Variants in BICRAL observed in about 807,000 individuals in gnomAD.
The protein encoded by BICRAL is BRD4-interacting chromatin-remodeling complex-associated protein-like.
A neutral mutation model predicts 91.8 loss-of-function variants in BICRAL; 8 were observed. The observed-to-expected ratio is 0.09, with a 90% CI of 0.05 to 0.16. The LOEUF is 0.16. Among genes scored for constraint, BICRAL ranks in the 10% least tolerant of loss-of-function variants. The pLI is 1.00. For synonymous variants in BICRAL, 445 were observed against 491.1 expected, an observed-to-expected ratio of 0.91 and a Z score of 1.24; for missense variants, 1,038 against 1,310.9, an observed-to-expected ratio of 0.79 and a Z score of 3.21.
intron 6 of BICRAL, among the ~76,000 whole-genome samples, chr6:42,840,227 GT>G (rs1764744366): frequency 1.7e-5 from 1 of 60,542 alleles, no homozygotes; most frequent in Non-Finnish European, 3.5e-5. Flanking sequence ...TTTTTTGTTT[GT>G]TTGTTTGTTT....
intron 11 of BICRAL, among the ~76,000 whole-genome samples, chr6:42,861,771 G>A (rs1765563395): frequency 1.3e-5 from 2 of 151,758 alleles, no homozygotes; most frequent in Non-Finnish European, 2.9e-5. Flanking sequence ...GGCCGAGGTG[G>A]GTGGATCACC....
intron 1 of BICRAL, among the ~76,000 whole-genome samples, chr6:42,802,236 A>G (rs1763594803): frequency 1.3e-5 from 2 of 152,212 alleles, no homozygotes; most frequent in Admixed American, 6.6e-5. Flanking sequence ...CAACAGAGCA[A>G]GACCTTATCT....
chr6:42,780,302 C>G (rs1173087106), upstream of BICRAL, among the ~76,000 whole-genome samples: 2 of 152,068 alleles, frequency 1.3e-5, no homozygotes, highest in Non-Finnish European at 2.9e-5. Context: ...CTTATATATG[C>G]AAGAAAGGTG....
chr6:42,778,984 A>AT (rs1282901260), upstream of BICRAL, among the ~76,000 whole-genome samples: 595 of 145,904 alleles, frequency 4.1e-3, no homozygotes, highest in African/African-American at 0.012. Context: ...CGCCTGGCTA[A>AT]TTTTTTTTTT....
chr6:42,811,765 C>T (rs957102447), intron 2 of BICRAL, among the ~76,000 whole-genome samples: 3 of 152,060 alleles, frequency 2.0e-5, no homozygotes, highest in East Asian at 3.8e-4. Context: ...AGAAAACTTC[C>T]TAAGTTCTGG....
chr6:42,779,454 G>A (rs1376659994), upstream of BICRAL, among the ~76,000 whole-genome samples: 1 of 152,072 alleles, frequency 6.6e-6, no homozygotes, highest in South Asian at 2.1e-4. Flanking sequence ...TAGAAAACTG[G>A]TTGGTCCAAC....
At chr6:42,802,076 A>G (rs1456326600) in intron 1 of BICRAL, among the ~76,000 whole-genome samples, 1 of 152,024 alleles carries the variant, frequency 6.6e-6, no homozygotes, top group Non-Finnish European at 1.5e-5. Flanking sequence ...GGAGTTTGAG[A>G]CCAGCCTGGG....
At chr6:42,750,835 C>A (rs1456860075) in intron 1 of BICRAL, among the ~76,000 whole-genome samples, 1 of 150,248 alleles carries the variant, frequency 6.7e-6, no homozygotes, top group Non-Finnish European at 1.5e-5. Context: ...GCCTCAGCCT[C>A]CCAAAGTGCT....
intron 5 of BICRAL, among the ~76,000 whole-genome samples, chr6:42,826,054 A>C (rs992165323): frequency 7.2e-5 from 11 of 152,002 alleles, no homozygotes; most frequent in African/African-American, 2.7e-4. Context: ...ACTGCACTCC[A>C]GCATGGGTGA....
chr6:42,804,394 A>G (rs1582831415), intron 1 of BICRAL, among the ~76,000 whole-genome samples: 1 of 152,158 alleles, frequency 6.6e-6, no homozygotes, highest in East Asian at 1.9e-4. Flanking sequence ...ATGGGGATGC[A>G]TGGCTGTATT....
chr6:42,779,672 C>G (rs1033235395), upstream of BICRAL, among the ~76,000 whole-genome samples: 2 of 152,142 alleles, frequency 1.3e-5, no homozygotes, highest in Non-Finnish European at 2.9e-5. Flanking sequence ...TAGTGTTTTT[C>G]TTTGTTTGTT....
chr6:42,849,119 C>T (rs561509397), intron 6 of BICRAL, among the ~76,000 whole-genome samples: 28 of 152,258 alleles, frequency 1.8e-4, no homozygotes, highest in African/African-American at 5.8e-4. Flanking sequence ...TCTTTAATAA[C>T]CTTCTGTCAC....
chr6:42,802,428 T>G lies in BICRAL; in HGVS notation c.-101-7878T>G, dbSNP rs569645991. ...GCTCTTTCAGCTTTTCGTGTTTTTT[T>G]TTGTTGTTGTTGTTGTTGTTGTTGT... On this transcript the variant is annotated intron_variant, in intron 1 of 12. Coordinates refer to ENST00000314073, the MANE Select transcript of BICRAL (RefSeq NM_001393499.1). Among the ~76,000 whole-genome samples the G allele has an allele frequency of 6.9e-3, 714 of 104,030 alleles. 4 individuals carry two copies. The highest frequency in any genetic ancestry group is 0.015 in the Middle Eastern group (3 of 206). The allele number at this position is 104,030 out of a possible 152,430, so 68.2% of individuals were successfully genotyped here.
chr6:42,761,034 A>C (rs1020024491), intron 1 of BICRAL, among the ~76,000 whole-genome samples: 2 of 152,126 alleles, frequency 1.3e-5, no homozygotes, highest in Admixed American at 1.3e-4. Context: ...TGATAGAGTG[A>C]GACTCTGTCT....
rs191273837 is a variant in BICRAL at position 42,806,225 on chromosome 6, G to C, written c.-101-4081G>C. ...GTCAACCAGAGGCCCTTGTTTGCAGGTCCCACCTGACTCCACTCAGACCTG... is the reference window on the plus strand; with the variant it reads ...GTCAACCAGAGGCCCTTGTTTGCAGCTCCCACCTGACTCCACTCAGACCTG... On this transcript the variant is annotated intron_variant, in intron 1 of 12. Coordinates refer to ENST00000314073, the MANE Select transcript of BICRAL (RefSeq NM_001393499.1). Among the ~76,000 whole-genome samples the C allele has an allele frequency of 2.1e-3, 321 of 152,234 alleles. 1 individual carries two copies. Among genetic ancestry groups the C allele is most frequent in the African/African-American group, 7.4e-3 (306 of 41,538 alleles).
intron 5 of BICRAL, among the ~76,000 whole-genome samples, chr6:42,826,162 A>G (rs901700660): frequency 7.2e-6 from 1 of 137,986 alleles, no homozygotes; most frequent in African/African-American, 2.5e-5. Flanking sequence ...ACTTGGCCAA[A>G]TAGTACACAG....
At chr6:42,823,152 G>A in intron 5 of BICRAL, 149 bp downstream of exon 5, 1 of 568,932 alleles carries the variant, frequency 1.8e-6, no homozygotes. Flanking sequence ...TTGAGATGGG[G>A]CCTCACTCTG....
chr6:42,857,001 T>C (rs1437201699), intron 9 of BICRAL, 90 bp from the exon 10 acceptor site: 1 of 1,087,198 alleles, frequency 9.2e-7, no homozygotes, highest in African/African-American at 1.6e-5. Flanking sequence ...TATTCCTATA[T>C]ATCTTATTTT....
intron 1 of BICRAL, chr6:42,747,026 G>T (rs1474823286): frequency 6.6e-6 from 1 of 152,476 alleles, no homozygotes; most frequent in African/African-American, 2.4e-5. Context: ...GCGCTGGGGT[G>T]AGACCCTAGC....
Sources: allele counts gnomAD v4.1 joint callset (sites outside exome capture counted in the v4.1 genomes callset), GRCh38; gene constraint gnomAD v4.1.1; transcripts MANE v1.5; gene names NCBI Gene and HGNC (gene_info 2026-07-23, HGNC 2026-07-21).